Variants in PTHLH observed in about 807,000 individuals in gnomAD.
PTHLH encodes the protein parathyroid hormone-related protein.
Under a neutral mutation model 18.6 loss-of-function variants are expected in PTHLH, and 5 were observed. The ratio of observed to expected loss-of-function variants is 0.27; its 90% CI spans 0.14 to 0.56. The LOEUF (loss-of-function observed/expected upper bound fraction) is 0.56, where lower values mean the gene tolerates loss of function less well. Among genes scored for constraint, PTHLH ranks in the 20% least tolerant of loss-of-function variants. The pLI is 0.92. For synonymous variants in PTHLH, 90 were observed against 94.0 expected (o/e 0.96, Z 0.25); for missense variants, 207 against 223.9 (o/e 0.92, Z 0.48).
At chr12:27,968,769 T>TC (rs1376166314) in intron 4 of PTHLH, among the ~76,000 whole-genome samples, 5 of 152,172 alleles carry the variant, frequency 3.3e-5, no homozygotes, top group Non-Finnish European at 7.4e-5. Context: ...AAAAAAAGGT[T>TC]CCACACCTAA....
In PTHLH at chr12:27,963,652, C is replaced by G; in HGVS notation, c.220G>C (p.Ala74Pro). 6.2e-7 allele frequency: 1 copy of G among 1,613,958 alleles called. No homozygotes were observed. Among genetic ancestry groups the G allele is most frequent in the Non-Finnish European group, 8.5e-7 (1 of 1,179,972 alleles). Residue 74 changes from alanine (A) to proline (P), a missense_variant, in exon 5 of 6, where the codon GCT (alanine) becomes CCT (proline). By Grantham distance (27) the Ala-to-Pro change is conservative (BLOSUM62 -1). Coordinates refer to ENST00000545234, the MANE Select transcript of PTHLH (RefSeq NM_198965.2). ...GAGTTAGGGGACACCTCCGAGGTAG[C>G]TCTGATTTCAGCTGTGTGGATTTCT... ...IAEIHTAEIRATSEVSPNSKP... is the reference protein window; with the variant it reads ...IAEIHTAEIRPTSEVSPNSKP...
intron 4 of PTHLH, among the ~76,000 whole-genome samples, chr12:27,965,189 G>A (rs1313295625): frequency 1.3e-5 from 2 of 152,232 alleles, no homozygotes; most frequent in Non-Finnish European, 2.9e-5. Flanking sequence ...ATGAGAACTG[G>A]CAGAGCCAGG....
rs2062782159 is a variant in PTHLH at position 27,963,612 on chromosome 12, T to C, written c.260A>G (p.Asn87Ser). The change falls in exon 5 of 6, where the codon AAC (asparagine) becomes AGC (serine). Residue 87 changes from asparagine to serine, a missense_variant. Coordinates refer to ENST00000545234, the MANE Select transcript of PTHLH (RefSeq NM_198965.2). ...EVSPNSKPSP[N>S]TKNHPVRFGS... ...AAATCGGACGGGGTGGTTCTTTGTG[T>C]TGGGAGAGGGCTTGGAGTTAGGGGA... is the stretch of plus-strand genomic sequence containing the variant. 1 of 1,614,084 alleles carries C rather than the reference T, an allele frequency of 6.2e-7. No individual in the cohort carries two copies. The highest frequency in any genetic ancestry group is 8.5e-7 in the Non-Finnish European group (1 of 1,180,006).
intron 5 of PTHLH, among the ~76,000 whole-genome samples, chr12:27,959,150 GATGAT>G (rs1051823314): frequency 1.3e-5 from 2 of 152,154 alleles, no homozygotes; most frequent in African/African-American, 4.8e-5. Flanking sequence ...CATCTTAGTT[GATGAT>G]ATGATATTTG....
intron 5 of PTHLH, chr12:27,961,890 G>C: frequency 7.1e-6 from 5 of 702,238 alleles, no homozygotes; most frequent in Non-Finnish European, 1.3e-5. Context: ...CAAAGGAAAT[G>C]ACTAAAGAAG....
chr12:27,963,290 G>T (rs372961067), intron 5 of PTHLH, 58 bp downstream of exon 5: 3 of 1,613,440 alleles, frequency 1.9e-6, no homozygotes, highest in African/African-American at 2.7e-5. Context: ...CAGAAGGGAG[G>T]CTCCAAAACC....
intron 4 of PTHLH, among the ~76,000 whole-genome samples, chr12:27,968,247 T>C (rs2062834747): frequency 6.6e-6 from 1 of 152,242 alleles, no homozygotes; most frequent in South Asian, 2.1e-4. Flanking sequence ...TTCCGACATG[T>C]CTAAAGTAAT....
At position 27,970,105 on chromosome 12, in the gene PTHLH, C is replaced by T. The variant is rs117115628; in HGVS notation, c.-103G>A. The T allele has an allele frequency of 1.3e-4, 66 of 519,074 alleles. No homozygotes were observed. In the East Asian group the frequency reaches 3.5e-3, roughly 28 times the overall value. The allele number at this position is 519,074 out of a possible 1,614,324, so 32.2% of individuals were successfully genotyped here. Reference sequence around the variant, plus strand: ...AGTTTCAAGTGCGTGTGTCGTCGATCAGGAGGGCCAGGTGGCGGCGAGGGC... The same window carrying T: ...AGTTTCAAGTGCGTGTGTCGTCGATTAGGAGGGCCAGGTGGCGGCGAGGGC... On this transcript the variant is annotated 5_prime_UTR_variant, in exon 3 of 6. Coordinates refer to ENST00000545234, the MANE Select transcript of PTHLH (RefSeq NM_198965.2).
rs191832661 is a variant in PTHLH at position 27,962,582 on chromosome 12, C to T, written c.524+766G>A. 84 of 985,410 alleles carry T rather than the reference C, an allele frequency of 8.5e-5. No individual in the cohort carries two copies. In the African/African-American group the frequency reaches 1.3e-3, roughly 15 times the overall value. The allele number at this position is 985,410 out of a possible 1,614,324, so 61.0% of individuals were successfully genotyped here. On this transcript the variant is annotated intron_variant, in intron 5 of 5. Coordinates refer to ENST00000545234, the MANE Select transcript of PTHLH (RefSeq NM_198965.2). Reference sequence around the variant, plus strand: ...AATCTGTGAGCTAAGGATAAACAAGCCACATAAATGTGAAGTTTTATTTTT... The same window carrying T: ...AATCTGTGAGCTAAGGATAAACAAGTCACATAAATGTGAAGTTTTATTTTT...
chr12:27,962,969 G>A, intron 5 of PTHLH: 1 of 1,137,012 alleles, frequency 8.8e-7, no homozygotes, highest in Non-Finnish European at 1.1e-6. Context: ...GAAAAACACT[G>A]AAGAAAGTTT....
chr12:27,964,800 C>A (rs909586613), intron 4 of PTHLH, among the ~76,000 whole-genome samples: 3 of 151,976 alleles, frequency 2.0e-5, no homozygotes, highest in African/African-American at 7.2e-5. Context: ...TAGATAACAC[C>A]CAAACTCTTG....
rs370485908 is a variant in PTHLH at position 27,963,340 on chromosome 12, C to G, written c.524+8G>C. 6.2e-7 allele frequency: 1 copy of G among 1,614,106 alleles called. No homozygotes were observed. The highest frequency in any genetic ancestry group is 1.3e-5 in the African/African-American group (1 of 74,946). On this transcript the variant is annotated splice_region_variant and intron_variant, in intron 5 of 5. Transcript: ENST00000545234. ...CCGCTGAGGCTACGGGCCAGAGAAG[C>G]CTGTTACCGTGAATCGAGCTCCAGC...
intron 4 of PTHLH, among the ~76,000 whole-genome samples, chr12:27,968,798 G>A (rs181371420): frequency 3.4e-4 from 52 of 152,322 alleles, no homozygotes; most frequent in Non-Finnish European, 5.0e-4. Flanking sequence ...TTGGAATCAA[G>A]CGCTCTAGCG....
At chr12:27,968,006 A>G (rs2062832045) in intron 4 of PTHLH, among the ~76,000 whole-genome samples, 1 of 152,242 alleles carries the variant, frequency 6.6e-6, no homozygotes, top group Non-Finnish European at 1.5e-5. Context: ...AAATAAATAT[A>G]GTATTTAAGT....
intron 5 of PTHLH, among the ~76,000 whole-genome samples, chr12:27,960,039 T>C (rs1026108005): frequency 2.6e-5 from 4 of 152,164 alleles, no homozygotes; most frequent in African/African-American, 7.2e-5. Context: ...CAAGGAGAAA[T>C]CTTCTATGTA....
Position 27,969,462 on chromosome 12 carries a change from G to A in PTHLH, c.33C>T (p.Val11=), listed in dbSNP as rs1358810518. ...CCGCGTAGCTCAGCAGGAACACCGC[G>A]ACGCTCCACTGCTGAACCAGTCTCC... is the stretch of plus-strand genomic sequence containing the variant. The part of the protein sequence containing the change: MQRRLVQQWS[V]AVFLLSYAVP... Residue 11 remains valine, a synonymous_variant, in exon 4 of 6, where the codon GTC becomes GTT. Transcript: ENST00000545234. 2 of 1,591,398 alleles carry A rather than the reference G, an allele frequency of 1.3e-6. No individual in the cohort carries two copies. The highest frequency in any genetic ancestry group is 1.1e-5 in the South Asian group (1 of 87,862).
intron 5 of PTHLH, chr12:27,962,923 C>T: frequency 9.3e-7 from 1 of 1,077,914 alleles, no homozygotes; most frequent in Non-Finnish European, 1.1e-6. Flanking sequence ...TCAAATGCTT[C>T]TATATTCTCC....
intron 5 of PTHLH, chr12:27,961,876 G>C (rs1410119210): frequency 1.5e-6 from 1 of 682,908 alleles, no homozygotes; most frequent in African/African-American, 1.8e-5. Flanking sequence ...ATCTGTAGCA[G>C]AGTCAAAGGA....
At chr12:27,964,295 CACGCCCCATTAAGA>C (rs2062792507) in intron 4 of PTHLH, among the ~76,000 whole-genome samples, 1 of 151,596 alleles carries the variant, frequency 6.6e-6, no homozygotes, top group Non-Finnish European at 1.5e-5. Context: ...CACACACACA[CACGCCCCATTAAGA>C]AAATAATAAT....
Sources: gnomAD v4.1 joint callset for allele counts (sites outside exome capture counted in the v4.1 genomes callset) on GRCh38, gnomAD v4.1.1 for gene constraint, MANE v1.5 for transcripts, NCBI Gene and HGNC (gene_info 2026-07-23, HGNC 2026-07-21) for gene names.